The following ABHD12 variants were observed in gnomAD, a reference collection of about 807,000 sequenced individuals.
The protein encoded by ABHD12 is abhydrolase domain containing 12, lysophospholipase.
A neutral mutation model predicts 58.3 loss-of-function variants in ABHD12; 43 were observed. The ratio of observed to expected loss-of-function variants is 0.74; its 90% CI spans 0.58 to 0.95. The LOEUF (loss-of-function observed/expected upper bound fraction) is 0.95. ABHD12 is among the 40% of genes least tolerant of loss of function. ABHD12 has a pLI of 0.00. For synonymous variants in ABHD12, 219 were observed against 211.2 expected (o/e 1.04, Z -0.32); for missense variants, 539 against 537.2 (o/e 1.00, Z -0.03).
At chr20:25,372,064 TG>T (rs1177373049) in intron 1 of ABHD12, among the ~76,000 whole-genome samples, 1 of 152,128 alleles carries the variant, frequency 6.6e-6, no homozygotes, top group Non-Finnish European at 1.5e-5. Flanking sequence ...TGCAGTGGCA[TG>T]CTCATAGCTC....
At chr20:25,303,407 C>T (rs2046175189) in intron 11 of ABHD12, 143 bp downstream of exon 11, 2 of 1,526,364 alleles carry the variant, frequency 1.3e-6, no homozygotes, top group African/African-American at 2.7e-5. Flanking sequence ...GAGGTGGCCT[C>T]CTGAGCCTGA....
chr20:25,379,313 T>C (rs1167249803), intron 1 of ABHD12, among the ~76,000 whole-genome samples: 1 of 152,232 alleles, frequency 6.6e-6, no homozygotes, highest in Non-Finnish European at 1.5e-5. Flanking sequence ...GAGCTCAGAC[T>C]GCGCCCACGT....
intron 1 of ABHD12, among the ~76,000 whole-genome samples, chr20:25,375,187 T>G (rs911934819): frequency 6.6e-6 from 1 of 152,196 alleles, no homozygotes; most frequent in Non-Finnish European, 1.5e-5. Flanking sequence ...AAACCAGCCC[T>G]GCTGACACCT....
At chr20:25,341,987 G>A (rs1056233763) in intron 1 of ABHD12, among the ~76,000 whole-genome samples, 6 of 151,538 alleles carry the variant, frequency 4.0e-5, no homozygotes, top group African/African-American at 1.2e-4. Flanking sequence ...TTACTGTAAG[G>A]CATCAAGTGG....
At chr20:25,303,184 C>T in intron 11 of ABHD12, 1 of 1,167,196 alleles carries the variant, frequency 8.6e-7, no homozygotes, top group Non-Finnish European at 1.1e-6. Context: ...TTGCCTTCAG[C>T]CCATAACTGA....
chr20:25,308,335 G>A (rs1039126891), intron 8 of ABHD12, 122 bp downstream of exon 8: 13 of 1,306,110 alleles, frequency 1.0e-5, no homozygotes, highest in South Asian at 6.3e-5. Flanking sequence ...GGTCAGCCCC[G>A]GGCCCCCCAG....
chr20:25,376,884 T>A (rs1600875238), intron 1 of ABHD12, among the ~76,000 whole-genome samples: 1 of 152,232 alleles, frequency 6.6e-6, no homozygotes, highest in Non-Finnish European at 1.5e-5. Flanking sequence ...GGAGTTTCAC[T>A]TTCTCTGTTT....
At chr20:25,390,239 A>C in intron 1 of ABHD12, 1 of 326,812 alleles carries the variant, frequency 3.1e-6, no homozygotes, top group East Asian at 5.4e-5. Flanking sequence ...TCGGGGTGCA[A>C]GGCTAGGCCA....
intron 2 of ABHD12, among the ~76,000 whole-genome samples, chr20:25,328,569 C>A (rs1276862551): frequency 6.6e-6 from 1 of 152,220 alleles, no homozygotes; most frequent in Non-Finnish European, 1.5e-5. Context: ...GAATGCCAAG[C>A]TCTTGGAACA....
rs937639972 is a variant in ABHD12 at position 25,368,794 on chromosome 20, G to T, written c.191+21719C>A. The T allele has an allele frequency of 1.4e-4, 99 of 709,526 alleles. No individual in the cohort carries two copies. In the African/African-American group the frequency reaches 1.5e-3, roughly 11 times the overall value. 44.0% of individuals were successfully genotyped at this position (709,526 alleles called of 1,614,324 possible). ...CTGATAGTACAGGGCTCCCAGCGGC[G>T]GTGGCATCTGCAAAGCCTACTTTCT... is the stretch of plus-strand genomic sequence containing the variant. On this transcript the variant is annotated intron_variant, in intron 1 of 12. Transcript: ENST00000339157.
At chr20:25,329,751 G>A (rs1600807945) in intron 2 of ABHD12, among the ~76,000 whole-genome samples, 2 of 152,202 alleles carry the variant, frequency 1.3e-5, no homozygotes, top group Admixed American at 1.3e-4. Flanking sequence ...GCCATAAGAG[G>A]TGTGGTGTCA....
At chr20:25,386,209 A>G (rs1339638614) in intron 1 of ABHD12, among the ~76,000 whole-genome samples, 1 of 151,918 alleles carries the variant, frequency 6.6e-6, no homozygotes, top group Non-Finnish European at 1.5e-5. Flanking sequence ...TAAAGGTTGC[A>G]TAAGAGAAAA....
At chr20:25,314,789 G>A in intron 6 of ABHD12, 136 bp downstream of exon 6, 1 of 990,078 alleles carries the variant, frequency 1.0e-6, no homozygotes. Flanking sequence ...TCTTTGTCAG[G>A]ACCCAGGACA....
At chr20:25,311,909 C>T (rs4813557) in intron 6 of ABHD12, among the ~76,000 whole-genome samples, 86,418 of 151,392 alleles carry the variant, frequency 0.57, 25,411 homozygotes, top group African/African-American at 0.64. Flanking sequence ...GGTTTTGCCA[C>T]GCTGCCCAGG....
At position 25,314,017 on chromosome 20, in the gene ABHD12, G is replaced by A. The variant is rs569696167; in HGVS notation, c.619+908C>T. 2.7e-5 allele frequency among the ~76,000 whole-genome samples: 4 copies of A among 150,778 alleles called. No individual in the cohort carries two copies. In the East Asian group the frequency reaches 7.7e-4, roughly 29 times the overall value. On this transcript the variant is annotated intron_variant, in intron 6 of 12. Coordinates refer to ENST00000339157, the MANE Select transcript of ABHD12 (RefSeq NM_001042472.3). The stretch of plus-strand genomic sequence containing the variant: ...GACATGGAGTCTTGCTTGTCGCCAA[G>A]GCTGGAGTACAGTGGTGCAGTCTCG...
chr20:25,300,232 ATTC>A lies in ABHD12; in HGVS notation c.*610_*612del. 1 of 996,944 alleles carries A rather than the reference ATTC, an allele frequency of 1.0e-6. No individual in the cohort carries two copies. The highest frequency in any genetic ancestry group is 1.7e-5 in the African/African-American group (1 of 57,488). 61.8% of individuals were successfully genotyped at this position (996,944 alleles called of 1,614,324 possible). ...ACAAAAGGACCACCACCACGATTTT[ATTC>A]TTAAATAAAGCTCAGTCTAAGGCCA... On this transcript the variant is annotated 3_prime_UTR_variant, in exon 13 of 13. Transcript: ENST00000339157.
chr20:25,380,599 C>T (rs1003277869), intron 1 of ABHD12, among the ~76,000 whole-genome samples: 7 of 152,100 alleles, frequency 4.6e-5, no homozygotes, highest in African/African-American at 1.7e-4. Context: ...TGCAGTAAGC[C>T]ACTCCTGTCA....
chr20:25,328,768 T>A (rs544007044), intron 2 of ABHD12, among the ~76,000 whole-genome samples: 2 of 152,132 alleles, frequency 1.3e-5, no homozygotes, highest in South Asian at 4.1e-4. Context: ...GAAACAACCA[T>A]GAAAAGGAGG....
intron 1 of ABHD12, among the ~76,000 whole-genome samples, chr20:25,353,721 G>A (rs2089632135): frequency 6.6e-6 from 1 of 152,212 alleles, no homozygotes; most frequent in South Asian, 2.1e-4. Context: ...CCGAGGCATA[G>A]AGAAATTAAA....
Sources: allele counts gnomAD v4.1 joint callset (sites outside exome capture counted in the v4.1 genomes callset), GRCh38; gene constraint gnomAD v4.1.1; transcripts MANE v1.5; gene names NCBI Gene and HGNC (gene_info 2026-07-23, HGNC 2026-07-21).